PPP3CA: variants seen among roughly 807,000 people sequenced by gnomAD.
PPP3CA encodes CAM-PRP catalytic subunit.
PPP3CA carries 14 observed loss-of-function variants against 66.5 expected under a neutral mutation model. The observed-to-expected ratio is 0.21, with a 90% CI of 0.14 to 0.33. The LOEUF (loss-of-function observed/expected upper bound fraction) is 0.33. PPP3CA is among the 10% of genes least tolerant of loss of function. PPP3CA has a pLI of 1.00. For synonymous variants in PPP3CA, 232 were observed against 226.2 expected (o/e 1.03, Z -0.23); for missense variants, 317 against 639.5 (o/e 0.50, Z 5.44).
chr4:101,094,893 T>A (rs1730124922), intron 5 of PPP3CA, among the ~76,000 whole-genome samples: 1 of 152,132 alleles, frequency 6.6e-6, no homozygotes, highest in Non-Finnish European at 1.5e-5. Context: ...GAAAATCTAT[T>A]AAGAATTGAT....
intron 10 of PPP3CA, among the ~76,000 whole-genome samples, chr4:101,040,808 GGTGA>G (rs1421371268): frequency 6.6e-6 from 1 of 152,146 alleles, no homozygotes; most frequent in Non-Finnish European, 1.5e-5. Flanking sequence ...CCAGAGGGGA[GGTGA>G]GTAAGAAGCT....
chr4:101,103,214 G>C (rs1311401477), intron 3 of PPP3CA, among the ~76,000 whole-genome samples: 1 of 152,102 alleles, frequency 6.6e-6, no homozygotes, highest in Non-Finnish European at 1.5e-5. Flanking sequence ...ATGTAAAAGA[G>C]GAAGCAAGGA....
chr4:101,331,207 C>T (rs780026441), intron 1 of PPP3CA, among the ~76,000 whole-genome samples: 2 of 152,104 alleles, frequency 1.3e-5, no homozygotes, highest in Non-Finnish European at 2.9e-5. Flanking sequence ...ATCTGAGTCA[C>T]GACTTGGAGT....
chr4:101,286,278 C>A (rs1346917643), intron 1 of PPP3CA, among the ~76,000 whole-genome samples: 2 of 152,178 alleles, frequency 1.3e-5, no homozygotes, highest in Admixed American at 1.3e-4. Flanking sequence ...TGCTACAGGT[C>A]GGAGGCCCAG....
intron 12 of PPP3CA, among the ~76,000 whole-genome samples, chr4:101,031,848 T>C (rs1219233257): frequency 6.6e-6 from 1 of 152,220 alleles, no homozygotes; most frequent in Non-Finnish European, 1.5e-5. Flanking sequence ...AATCTAGACA[T>C]ACAGGTATAT....
chr4:101,169,091 T>C (rs2110313533), intron 2 of PPP3CA, among the ~76,000 whole-genome samples: 1 of 152,294 alleles, frequency 6.6e-6, no homozygotes. Flanking sequence ...ACAAGGGCAA[T>C]TAATTGCAAA....
intron 10 of PPP3CA, among the ~76,000 whole-genome samples, chr4:101,049,895 C>T (rs939585683): frequency 2.6e-5 from 4 of 151,982 alleles, no homozygotes; most frequent in Non-Finnish European, 4.4e-5. Flanking sequence ...TTCATCTGAC[C>T]GTGGAGAATG....
Position 101,039,524 on chromosome 4 carries a change from A to T in PPP3CA, c.1241+958T>A, listed in dbSNP as rs148523680. On this transcript the variant is annotated intron_variant, in intron 11 of 13. Transcript: ENST00000394854. The stretch of plus-strand genomic sequence containing the variant: ...TCCGCTTGAACATGGCTGGTCGTGA[A>T]TGTGCTGGCTACCACAGAGTTCTCA... Among the ~76,000 whole-genome samples the T allele has an allele frequency of 2.2e-3, 318 of 144,612 alleles. 29 individuals carry two copies. Among genetic ancestry groups the T allele is most frequent in the African/African-American group, 7.8e-3 (310 of 39,764 alleles). 94.9% of individuals were successfully genotyped at this position (144,612 alleles called of 152,430 possible).
rs557010206 is a variant in PPP3CA, at chr4:101,257,474, A to G, written c.59-61358T>C. Among the ~76,000 whole-genome samples, 511 of 152,040 alleles carry G rather than the reference A, an allele frequency of 3.4e-3. 2 individuals are homozygous for G. Among genetic ancestry groups the G allele is most frequent in the African/African-American group, 0.012 (482 of 41,496 alleles). On this transcript the variant is annotated intron_variant, in intron 1 of 13. Coordinates refer to ENST00000394854, the MANE Select transcript of PPP3CA (RefSeq NM_000944.5). ...TTTATAGGCTGTGTTAACCTCACCT[A>G]TAAGTATTTAAATCAGAGACTAATG...
chr4:101,213,714 A>G (rs944400558), intron 1 of PPP3CA, among the ~76,000 whole-genome samples: 1 of 152,168 alleles, frequency 6.6e-6, no homozygotes, highest in African/African-American at 2.4e-5. Context: ...AAGAGAGTGA[A>G]GAAAACGAGT....
intron 2 of PPP3CA, among the ~76,000 whole-genome samples, chr4:101,181,875 C>G (rs1024301429): frequency 2.4e-4 from 36 of 151,916 alleles, no homozygotes; most frequent in African/African-American, 8.2e-4. Context: ...ACCATGAGCA[C>G]TAGGAAGCCT....
chr4:101,343,767 C>A (rs188519951), intron 1 of PPP3CA, among the ~76,000 whole-genome samples: 26 of 152,276 alleles, frequency 1.7e-4, no homozygotes, highest in African/African-American at 5.1e-4. Context: ...TACATGCTAG[C>A]AGATTCTATA....
chr4:101,186,441 T>C (rs997771577), intron 2 of PPP3CA, among the ~76,000 whole-genome samples: 2 of 152,156 alleles, frequency 1.3e-5, no homozygotes, highest in African/African-American at 2.4e-5. Context: ...TGTATTTACA[T>C]CCAAATGATT....
intron 2 of PPP3CA, among the ~76,000 whole-genome samples, chr4:101,137,557 C>A (rs957298671): frequency 6.6e-6 from 1 of 152,018 alleles, no homozygotes; most frequent in African/African-American, 2.4e-5. Context: ...TGCCAGTATC[C>A]CTTCCCTACC....
intron 1 of PPP3CA, among the ~76,000 whole-genome samples, chr4:101,270,286 C>A (rs1727296947): frequency 6.6e-6 from 1 of 152,164 alleles, no homozygotes; most frequent in Non-Finnish European, 1.5e-5. Flanking sequence ...ACCAATAAAA[C>A]CTTTATCAAT....
rs70961788 is a variant in PPP3CA, at chr4:101,333,270, G to GTTTTTTTTTTTTTTTTTTTTTTT, written c.58+13446_58+13468dup. Among the ~76,000 whole-genome samples, 4 of 47,270 alleles carry GTTTTTTTTTTTTTTTTTTTTTTT rather than the reference G, an allele frequency of 8.5e-5. 1 individual carries two copies. The highest frequency in any genetic ancestry group is 1.5e-4 in the Non-Finnish European group (3 of 20,154). 31.0% of individuals were successfully genotyped at this position (47,270 alleles called of 152,430 possible). A position where few individuals can be genotyped will look rare whatever the true frequency, so the allele number is the denominator to read the frequency against. On this transcript the variant is annotated intron_variant, in intron 1 of 13. Transcript: ENST00000394854. ...CTACAGGCATGCACTACCATGCCCA[G>GTTTTTTTTTTTTTTTTTTTTTTT]TTTTTTTTTTTTTTTTTTTTTTTTT...
chr4:101,288,734 A>G (rs188983769), intron 1 of PPP3CA, among the ~76,000 whole-genome samples: 1 of 152,190 alleles, frequency 6.6e-6, no homozygotes, highest in Admixed American at 6.5e-5. Context: ...TATTTAAAAA[A>G]AAATAAAGGA....
intron 1 of PPP3CA, among the ~76,000 whole-genome samples, chr4:101,275,865 T>G (rs1283770203): frequency 1.4e-5 from 2 of 145,242 alleles, no homozygotes; most frequent in Non-Finnish European, 1.5e-5. Flanking sequence ...TGTGTGGTTT[T>G]TTTTTTGTTT....
At chr4:101,326,032 A>G (rs917757422) in intron 1 of PPP3CA, among the ~76,000 whole-genome samples, 1 of 152,158 alleles carries the variant, frequency 6.6e-6, no homozygotes, top group African/African-American at 2.4e-5. Context: ...CCAGCTACTC[A>G]GAAGGCTGAA....
Sources: gnomAD v4.1 joint callset for allele counts (sites outside exome capture counted in the v4.1 genomes callset) on GRCh38, gnomAD v4.1.1 for gene constraint, MANE v1.5 for transcripts, NCBI Gene and HGNC (gene_info 2026-07-23, HGNC 2026-07-21) for gene names.